Variants in DLG2 observed in about 807,000 individuals in gnomAD.
DLG2 encodes discs large MAGUK scaffold protein 2, also known as disks large homolog 2.
A neutral mutation model predicts 132.5 loss-of-function variants in DLG2; 45 were observed. The ratio of observed to expected loss-of-function variants is 0.34; its 90% CI spans 0.27 to 0.44. DLG2 has a LOEUF of 0.44. Ranked by LOEUF, DLG2 falls within the 20% of genes least tolerant of loss-of-function variation. The probability of loss-of-function intolerance (pLI) is 1.00; values close to 1 mark genes in which losing one functional copy is unlikely to be tolerated. For synonymous variants in DLG2, 424 were observed against 419.6 expected (o/e 1.01, Z -0.13); for missense variants, 1,045 against 1,196.9 (o/e 0.87, Z 1.87).
In DLG2 at chr11:85,549,259, C is replaced by T. The variant is rs547544630; in HGVS notation, c.40+49398G>A. ...GTGTTCCCTGACCCCTTGCACTTCC[C>T]GGATGAGGTGACGCCCCACCCTGCT... On this transcript the variant is annotated intron_variant, in intron 3 of 27. Coordinates refer to ENST00000376104, the MANE Select transcript of DLG2 (RefSeq NM_001142699.3). Among the ~76,000 whole-genome samples, 80 of 152,192 alleles carry T rather than the reference C, an allele frequency of 5.3e-4. 2 individuals are homozygous for T. Among genetic ancestry groups the T allele is most frequent in the African/African-American group, 1.6e-3 (68 of 41,520 alleles).
At chr11:83,963,557 G>C (rs2089428027) in intron 13 of DLG2, among the ~76,000 whole-genome samples, 2 of 151,468 alleles carry the variant, frequency 1.3e-5, no homozygotes, top group Non-Finnish European at 2.9e-5. Context: ...CTCCTAACTG[G>C]GTCTCTTGCT....
chr11:85,380,079 A>G lies in DLG2; in HGVS notation c.41-94714T>C, dbSNP rs544852224. On this transcript the variant is annotated intron_variant, in intron 3 of 27. Coordinates refer to ENST00000376104, the MANE Select transcript of DLG2 (RefSeq NM_001142699.3). ...TGCCCCCAAGATTTTTACACACATA[A>G]GAACTCCTCACCTAAATATCACCCA... is the stretch of plus-strand genomic sequence containing the variant. Among the ~76,000 whole-genome samples, 4 of 152,322 alleles carry G rather than the reference A, an allele frequency of 2.6e-5. No homozygotes were observed. In the South Asian group the frequency reaches 8.3e-4, roughly 32 times the overall value.
intron 7 of DLG2, among the ~76,000 whole-genome samples, chr11:84,493,403 C>A (rs1009258885): frequency 6.6e-6 from 1 of 152,044 alleles, no homozygotes; most frequent in Non-Finnish European, 1.5e-5. Context: ...TTTGGCAACT[C>A]TCCTCCTAGT....
At chr11:84,614,444 C>T (rs1439393569) in intron 6 of DLG2, among the ~76,000 whole-genome samples, 1 of 152,172 alleles carries the variant, frequency 6.6e-6, no homozygotes, top group Non-Finnish European at 1.5e-5. Context: ...CAAGGAGAAG[C>T]TAGACCATGA....
chr11:85,607,240 A>G (rs192562529), intron 2 of DLG2, among the ~76,000 whole-genome samples: 40 of 152,290 alleles, frequency 2.6e-4, no homozygotes, highest in African/African-American at 9.1e-4. Flanking sequence ...CTTTCTGGGA[A>G]AGGGCTCTCT....
chr11:83,527,772 A>G (rs2095644584), intron 21 of DLG2, among the ~76,000 whole-genome samples: 1 of 152,158 alleles, frequency 6.6e-6, no homozygotes, highest in African/African-American at 2.4e-5. Context: ...TAGCTCTCTC[A>G]TACTCTCTCT....
intron 4 of DLG2, among the ~76,000 whole-genome samples, chr11:85,195,690 AT>A (rs564180858): frequency 2.0e-5 from 3 of 150,592 alleles, no homozygotes; most frequent in Non-Finnish European, 3.0e-5. Flanking sequence ...CGCCCAGCTA[AT>A]TTTTTTTTGT....
chr11:84,174,788 A>G (rs1286778447), intron 8 of DLG2, among the ~76,000 whole-genome samples: 1 of 152,200 alleles, frequency 6.6e-6, no homozygotes, highest in Non-Finnish European at 1.5e-5. Flanking sequence ...TAACCCTGTT[A>G]TCTCCAGAAA....
chr11:83,937,769 C>T (rs2081824660), intron 14 of DLG2, among the ~76,000 whole-genome samples: 1 of 152,042 alleles, frequency 6.6e-6, no homozygotes, highest in Non-Finnish European at 1.5e-5. Context: ...AATGATACAT[C>T]CCTTTTACCT....
intron 6 of DLG2, among the ~76,000 whole-genome samples, chr11:84,547,449 A>G (rs549585366): frequency 8.1e-4 from 124 of 152,216 alleles, no homozygotes; most frequent in African/African-American, 2.8e-3. Context: ...TTGTATGCAA[A>G]AAGAATTTAC....
At chr11:84,846,569 C>G (rs2081504600) in intron 6 of DLG2, among the ~76,000 whole-genome samples, 1 of 152,156 alleles carries the variant, frequency 6.6e-6, no homozygotes, top group African/African-American at 2.4e-5. Context: ...CCAATCCATT[C>G]TCTCCCTAGC....
intron 5 of DLG2, among the ~76,000 whole-genome samples, chr11:85,114,833 A>AT (rs567663867): frequency 1.5e-4 from 23 of 151,138 alleles, no homozygotes; most frequent in African/African-American, 2.2e-4. Context: ...ACATGGGAAT[A>AT]TTTTTTTTTG....
At chr11:85,237,846 T>C (rs2075668529) in intron 4 of DLG2, among the ~76,000 whole-genome samples, 1 of 152,092 alleles carries the variant, frequency 6.6e-6, no homozygotes, top group Admixed American at 6.6e-5. Flanking sequence ...TGTCCAGCCC[T>C]TCTTGTACAA....
intron 8 of DLG2, among the ~76,000 whole-genome samples, chr11:84,216,407 A>C (rs2096835976): frequency 6.6e-6 from 1 of 152,144 alleles, no homozygotes; most frequent in Non-Finnish European, 1.5e-5. Flanking sequence ...GCCAAGCAGG[A>C]GAGATCACGG....
rs76867182 is a variant in DLG2, at chr11:84,123,399, T to C, written c.625-24352A>G. Among the ~76,000 whole-genome samples the C allele has an allele frequency of 3.3e-5, 5 of 152,324 alleles. No individual in the cohort carries two copies. The East Asian group carries it at 9.6e-4, about 29-fold the overall frequency. The stretch of plus-strand genomic sequence containing the variant: ...AAAAGCCAAGTCAAAGCCAAGTCTA[T>C]GCTGTGCTTGGAGTCATAAGACAAT... On this transcript the variant is annotated intron_variant, in intron 9 of 27. Transcript: ENST00000376104.
At chr11:83,732,719 T>G (rs2153702616) in intron 18 of DLG2, among the ~76,000 whole-genome samples, 1 of 152,336 alleles carries the variant, frequency 6.6e-6, no homozygotes, top group East Asian at 1.9e-4. Context: ...CTTAATGATT[T>G]TTCTCAAGAA....
Position 84,207,081 on chromosome 11 carries a change from CTATA to C in DLG2, c.574-43574_574-43571del, listed in dbSNP as rs66827556. ...TAAATCTCTCTCTCTCTCTCTCTCT[CTATA>C]TATATATATGTATGTATATATGACT... On this transcript the variant is annotated intron_variant, in intron 8 of 27. Transcript: ENST00000376104. Among the ~76,000 whole-genome samples the C allele has an allele frequency of 7.5e-5, 11 of 147,000 alleles. 1 individual carries two copies. Among genetic ancestry groups the C allele is most frequent in the African/African-American group, 2.7e-4 (11 of 40,032 alleles).
At chr11:83,566,994 A>C (rs1479023854) in intron 19 of DLG2, among the ~76,000 whole-genome samples, 1 of 152,186 alleles carries the variant, frequency 6.6e-6, no homozygotes, top group Non-Finnish European at 1.5e-5. Flanking sequence ...GGGATGAGCT[A>C]TTTATCCCAT....
chr11:84,133,508 AC>A (rs1416480444), intron 9 of DLG2, among the ~76,000 whole-genome samples: 2 of 152,076 alleles, frequency 1.3e-5, no homozygotes, highest in African/African-American at 4.8e-5. Flanking sequence ...CAAACCACAT[AC>A]AAAAAATTGT....
Sources: allele counts gnomAD v4.1 joint callset (sites outside exome capture counted in the v4.1 genomes callset), GRCh38; gene constraint gnomAD v4.1.1; transcripts MANE v1.5; gene names NCBI Gene and HGNC (gene_info 2026-07-23, HGNC 2026-07-21).